The following CIMIP2C variants were observed in gnomAD, a reference collection of about 807,000 sequenced individuals.
CIMIP2C encodes the protein UPF0573 protein C2orf70.
At chr2:26,578,944 C>G in the CIMIP2C span, 207 of 483,176 alleles carry the variant, frequency 4.3e-4, no homozygotes, top group African/African-American at 3.9e-3. Context: ...TGTGTGTTTA[C>G]TCCTTGTCCA....
chr2:26,572,682 A>G, the CIMIP2C span, among the ~76,000 whole-genome samples: 1 of 152,192 alleles, frequency 6.6e-6, no homozygotes, highest in African/African-American at 2.4e-5. Flanking sequence ...GCTGTTAGAG[A>G]ATGGGGTGAA....
the CIMIP2C span, among the ~76,000 whole-genome samples, chr2:26,564,991 A>G: frequency 6.6e-6 from 1 of 152,074 alleles, no homozygotes; most frequent in African/African-American, 2.4e-5. Context: ...TGTACCAGGC[A>G]CTGTGCTGGG....
the CIMIP2C span, among the ~76,000 whole-genome samples, chr2:26,566,058 G>A: frequency 2.6e-5 from 4 of 152,240 alleles, no homozygotes; most frequent in African/African-American, 9.6e-5. Context: ...CAAGCTTCCT[G>A]CTTGCAAGTC....
the CIMIP2C span, chr2:26,579,181 G>A: frequency 6.2e-6 from 8 of 1,292,012 alleles, no homozygotes; most frequent in African/African-American, 1.0e-4. Flanking sequence ...AAACTGACGA[G>A]TAGCCGGCAG....
At chr2:26,579,361 C>G in the CIMIP2C span, 3 of 1,614,076 alleles carry the variant, frequency 1.9e-6, no homozygotes, top group South Asian at 2.2e-5. Context: ...GAAGACCTAC[C>G]AGACCTTCCC....
the CIMIP2C span, among the ~76,000 whole-genome samples, chr2:26,568,486 A>G: frequency 6.6e-6 from 1 of 152,216 alleles, no homozygotes; most frequent in Non-Finnish European, 1.5e-5. Flanking sequence ...CCCCCTAAGA[A>G]CAGGTGATCA....
the CIMIP2C span, chr2:26,572,031 A>G: frequency 2.8e-6 from 4 of 1,410,292 alleles, no homozygotes; most frequent in East Asian, 2.6e-5. Context: ...AGATCCCACT[A>G]TAGGAGAGAG....
At chr2:26,576,029 G>A in the CIMIP2C span, 690 of 1,614,046 alleles carry the variant, frequency 4.3e-4, 1 homozygote, top group Admixed American at 2.8e-4. Context: ...CAGCCAAGGC[G>A]GCCATTTCCC....
the CIMIP2C span, chr2:26,579,251 T>C: frequency 1.9e-6 from 3 of 1,600,574 alleles, no homozygotes; most frequent in Non-Finnish European, 2.6e-6. Flanking sequence ...CCACCTTCCT[T>C]CCCTGGCACA....
chr2:26,579,242 C>A, the CIMIP2C span: 1 of 1,596,766 alleles, frequency 6.3e-7, no homozygotes, highest in Admixed American at 1.8e-5. Flanking sequence ...GGGCACGCAC[C>A]ACCTTCCTTC....
At chr2:26,575,787 A>G in the CIMIP2C span, 1 of 1,312,970 alleles carries the variant, frequency 7.6e-7, no homozygotes, top group African/African-American at 1.5e-5. Flanking sequence ...GCTTTCCAAC[A>G]TGCTGGGATT....
the CIMIP2C span, chr2:26,577,498 T>C: frequency 6.2e-7 from 1 of 1,608,234 alleles, no homozygotes; most frequent in Non-Finnish European, 8.5e-7. Context: ...TGTCATCTCT[T>C]CCTTGATTGA....
the CIMIP2C span, among the ~76,000 whole-genome samples, chr2:26,564,629 T>C: frequency 2.0e-5 from 3 of 152,224 alleles, no homozygotes; most frequent in Non-Finnish European, 4.4e-5. Context: ...TGCTACCTCG[T>C]TGGCAATTCT....
chr2:26,571,686 G>C, the CIMIP2C span, among the ~76,000 whole-genome samples: 5 of 152,038 alleles, frequency 3.3e-5, no homozygotes, highest in Non-Finnish European at 7.4e-5. Context: ...AATTATCCAG[G>C]GTCAACGTTT....
the CIMIP2C span, among the ~76,000 whole-genome samples, chr2:26,566,525 C>A: frequency 6.6e-6 from 1 of 152,224 alleles, no homozygotes; most frequent in Non-Finnish European, 1.5e-5. Flanking sequence ...AATACTCTCA[C>A]CAAAGCTGAT....
the CIMIP2C span, chr2:26,576,250 A>G: frequency 2.6e-6 from 4 of 1,516,632 alleles, no homozygotes; most frequent in Non-Finnish European, 3.6e-6. Flanking sequence ...AGTGATGGCC[A>G]GGGGCCAGGG....
At chr2:26,574,184 G>A in the CIMIP2C span, among the ~76,000 whole-genome samples, 2 of 152,204 alleles carry the variant, frequency 1.3e-5, no homozygotes, top group East Asian at 3.8e-4. Flanking sequence ...TGATGGGGCT[G>A]GAGAGCTGGG....
the CIMIP2C span, among the ~76,000 whole-genome samples, chr2:26,577,209 C>A: frequency 6.6e-6 from 1 of 152,182 alleles, no homozygotes; most frequent in Admixed American, 6.5e-5. Context: ...AGCAGGTGTG[C>A]GTACGCCTGC....
the CIMIP2C span, chr2:26,577,778 C>T: frequency 5.0e-6 from 3 of 599,056 alleles, no homozygotes; most frequent in South Asian, 6.5e-5. Flanking sequence ...GGTTACAGAG[C>T]AAGGGGGTCA....
Sources: allele counts gnomAD v4.1 joint callset (sites outside exome capture counted in the v4.1 genomes callset), GRCh38; gene constraint gnomAD v4.1.1; transcripts MANE v1.5; gene names NCBI Gene and HGNC (gene_info 2026-07-23, HGNC 2026-07-21).